PHF21A: variants seen among roughly 807,000 people sequenced by gnomAD.
PHF21A encodes BHC80a.
Under a neutral mutation model 82.5 loss-of-function variants are expected in PHF21A, and 11 were observed. The observed-to-expected ratio is 0.13, with a 90% CI of 0.08 to 0.22. The LOEUF (loss-of-function observed/expected upper bound fraction) is 0.22. Ranked by LOEUF, PHF21A falls within the 10% of genes least tolerant of loss-of-function variation. The pLI, the probability that PHF21A is intolerant of heterozygous loss-of-function variation, is 1.00. For synonymous variants in PHF21A, 297 were observed against 302.8 expected (o/e 0.98, Z 0.20); for missense variants, 579 against 837.8 (o/e 0.69, Z 3.81).
intron 3 of PHF21A, among the ~76,000 whole-genome samples, chr11:46,085,201 G>A (rs896957541): frequency 2.6e-5 from 4 of 152,058 alleles, no homozygotes; most frequent in Non-Finnish European, 4.4e-5. Context: ...TACTATCCAC[G>A]AACTTATGAT....
chr11:46,012,881 T>C (rs1288822127), intron 6 of PHF21A, among the ~76,000 whole-genome samples: 1 of 152,196 alleles, frequency 6.6e-6, no homozygotes, highest in Non-Finnish European at 1.5e-5. Context: ...CCCAACTCTT[T>C]ACATCTAATT....
chr11:46,086,619 T>C (rs1379753796), intron 3 of PHF21A, among the ~76,000 whole-genome samples: 1 of 152,132 alleles, frequency 6.6e-6, no homozygotes, highest in Non-Finnish European at 1.5e-5. Flanking sequence ...ATTACAGTTC[T>C]TCTTGAAAAC....
At chr11:46,051,539 TCAAA>T (rs887791872) in intron 6 of PHF21A, among the ~76,000 whole-genome samples, 11 of 152,156 alleles carry the variant, frequency 7.2e-5, no homozygotes, top group Admixed American at 4.6e-4. Flanking sequence ...TAAGGAAACC[TCAAA>T]CAGAGTACTC....
chr11:45,953,208 A>G (rs1003611436), intron 11 of PHF21A, among the ~76,000 whole-genome samples: 2 of 152,238 alleles, frequency 1.3e-5, no homozygotes, highest in Non-Finnish European at 2.9e-5. Flanking sequence ...TTAGGAATGT[A>G]ATGGGACAGC....
In PHF21A at chr11:46,074,723, G is replaced by A. The variant is rs533410174; in HGVS notation, c.153+2031C>T. Among the ~76,000 whole-genome samples, 12 of 152,184 alleles carry A rather than the reference G, an allele frequency of 7.9e-5. No individual in the cohort carries two copies. The South Asian group carries it at 1.2e-3, about 16-fold the overall frequency. ...TTGCCACGTTGGCCAGGCTAGTCTC[G>A]AACCCCTGACCTCAGGTGATCCACC... On this transcript the variant is annotated intron_variant, in intron 6 of 18. Transcript: ENST00000676320.
intron 6 of PHF21A, among the ~76,000 whole-genome samples, chr11:45,992,080 C>T (rs1357311285): frequency 6.6e-6 from 1 of 152,116 alleles, no homozygotes; most frequent in Non-Finnish European, 1.5e-5. Flanking sequence ...AGAGGCAGTG[C>T]CCTAATAACA....
chr11:46,063,912 AT>A (rs1452192025), intron 6 of PHF21A, among the ~76,000 whole-genome samples: 9 of 152,202 alleles, frequency 5.9e-5, no homozygotes, highest in Non-Finnish European at 1.0e-4. Flanking sequence ...GCACTGGTGG[AT>A]TAACTCAAAA....
intron 6 of PHF21A, among the ~76,000 whole-genome samples, chr11:46,065,393 A>C (rs1351526228): frequency 6.6e-6 from 1 of 152,218 alleles, no homozygotes; most frequent in Non-Finnish European, 1.5e-5. Flanking sequence ...GCCTGGCACC[A>C]CAGCAGCCAT....
rs149031822 is a variant in PHF21A, at chr11:46,001,186, G to A, written c.154-21220C>T. Among the ~76,000 whole-genome samples the A allele has an allele frequency of 2.0e-3, 306 of 151,898 alleles. 1 individual carries two copies. The highest frequency in any genetic ancestry group is 7.0e-3 in the African/African-American group (289 of 41,400). On this transcript the variant is annotated intron_variant, in intron 6 of 18. Transcript: ENST00000676320. Reference sequence around the variant, plus strand: ...AAGCAGAAACATCACAGAAGTCTAAGAAGAAAAACTTAAAGCCATGTATGG... The same window carrying A: ...AAGCAGAAACATCACAGAAGTCTAAAAAGAAAAACTTAAAGCCATGTATGG...
intron 10 of PHF21A, among the ~76,000 whole-genome samples, chr11:45,953,829 A>G (rs1360055648): frequency 6.6e-6 from 1 of 152,188 alleles, no homozygotes; most frequent in Non-Finnish European, 1.5e-5. Context: ...ATTAAATTGC[A>G]TGGCTAGAGT....
chr11:45,969,306 G>A (rs2959091), intron 9 of PHF21A, among the ~76,000 whole-genome samples: 75,571 of 152,054 alleles, frequency 0.5, 22,201 homozygotes, highest in Non-Finnish European at 0.66. Flanking sequence ...AGAGCTGCTC[G>A]GGCCTAGGGA....
intron 11 of PHF21A, among the ~76,000 whole-genome samples, chr11:45,950,792 G>A (rs997525143): frequency 2.6e-5 from 4 of 152,162 alleles, no homozygotes; most frequent in African/African-American, 9.7e-5. Context: ...AAAACATGCA[G>A]AGAGTTTTAA....
chr11:46,001,597 G>A (rs1448954080), intron 6 of PHF21A, among the ~76,000 whole-genome samples: 2 of 152,030 alleles, frequency 1.3e-5, no homozygotes, highest in African/African-American at 2.4e-5. Context: ...AAAAGAACAG[G>A]AAAAGGATTA....
intron 15 of PHF21A, among the ~76,000 whole-genome samples, chr11:45,942,891 T>G (rs1225790274): frequency 6.6e-6 from 1 of 152,190 alleles, no homozygotes; most frequent in Non-Finnish European, 1.5e-5. Context: ...GGAACATGTG[T>G]GAAATGAAAC....
intron 7 of PHF21A, among the ~76,000 whole-genome samples, chr11:45,973,073 C>T (rs1195463669): frequency 6.6e-6 from 1 of 151,926 alleles, no homozygotes; most frequent in Non-Finnish European, 1.5e-5. Context: ...AGTGAGACTT[C>T]GTCTCAAAAA....
At chr11:45,972,183 A>G (rs1205185947) in intron 7 of PHF21A, among the ~76,000 whole-genome samples, 3 of 152,140 alleles carry the variant, frequency 2.0e-5, no homozygotes, top group Admixed American at 2.0e-4. Context: ...CTGAGAGATC[A>G]GAAGATGAAC....
chr11:46,098,601 T>G (rs2097039586), intron 1 of PHF21A, among the ~76,000 whole-genome samples: 2 of 152,230 alleles, frequency 1.3e-5, no homozygotes, highest in Non-Finnish European at 2.9e-5. Flanking sequence ...CTGAGTCTAA[T>G]GATCATAACG....
intron 18 of PHF21A, chr11:45,934,981 C>A: frequency 3.6e-6 from 2 of 548,172 alleles, no homozygotes; most frequent in Non-Finnish European, 6.3e-6. Context: ...TCCATGAGGG[C>A]TGAGGTCACT....
chr11:46,040,339 A>G (rs1054288661), intron 6 of PHF21A, among the ~76,000 whole-genome samples: 2 of 152,236 alleles, frequency 1.3e-5, no homozygotes, highest in African/African-American at 4.8e-5. Flanking sequence ...CACTACTGGT[A>G]GTTATAAACA....
Sources: gnomAD v4.1 joint callset for allele counts (sites outside exome capture counted in the v4.1 genomes callset) on GRCh38, gnomAD v4.1.1 for gene constraint, MANE v1.5 for transcripts, NCBI Gene and HGNC (gene_info 2026-07-23, HGNC 2026-07-21) for gene names.